The following SRGAP3 variants were observed in gnomAD, a reference collection of about 807,000 sequenced individuals.
SRGAP3 encodes SLIT-ROBO Rho GTPase activating protein 3.
Under a neutral mutation model 121.1 loss-of-function variants are expected in SRGAP3, and 39 were observed. The observed-to-expected ratio is 0.32, with a 90% confidence interval of 0.25 to 0.42. SRGAP3 has a LOEUF of 0.42. Ranked by LOEUF, SRGAP3 falls within the 10% of genes least tolerant of loss-of-function variation. The pLI, the probability that SRGAP3 is intolerant of heterozygous loss-of-function variation, is 1.00. For synonymous variants in SRGAP3, 601 were observed against 570.0 expected (o/e 1.05, Z -0.77); for missense variants, 1,213 against 1,470.6 (o/e 0.82, Z 2.86).
At chr3:9,120,842 G>A (rs1948979474) in intron 2 of SRGAP3, among the ~76,000 whole-genome samples, 1 of 152,194 alleles carries the variant, frequency 6.6e-6, no homozygotes, top group Admixed American at 6.5e-5. Context: ...CATCACGTGG[G>A]CCTTTCTTTG....
chr3:9,010,617 A>C (rs952304309), intron 17 of SRGAP3, among the ~76,000 whole-genome samples: 2 of 152,088 alleles, frequency 1.3e-5, no homozygotes, highest in Non-Finnish European at 2.9e-5. Context: ...GTGCCCTCCT[A>C]GCCCTGGAAT....
At chr3:9,347,274 A>G (rs1955907920) in intron 1 of SRGAP3, among the ~76,000 whole-genome samples, 1 of 152,126 alleles carries the variant, frequency 6.6e-6, no homozygotes, top group East Asian at 1.9e-4. Flanking sequence ...TAGGCGAGAG[A>G]TTCAGCCTCC....
Position 9,261,616 on chromosome 3 carries a change from C to T in SRGAP3, n.442+64394G>A, listed in dbSNP as rs566572222. Among the ~76,000 whole-genome samples, 9 of 151,312 alleles carry T rather than the reference C, an allele frequency of 5.9e-5. No homozygotes were observed. In the East Asian group the frequency reaches 1.6e-3, roughly 26 times the overall value. ...AAGGATATCAGACATTGAAGATGAACTTAATGAAATAAGCATGAAGACAAG... is the reference window on the plus strand; with the variant it reads ...AAGGATATCAGACATTGAAGATGAATTTAATGAAATAAGCATGAAGACAAG... On this transcript the variant is annotated intron_variant and non_coding_transcript_variant, in intron 3 of 3. Transcript: ENST00000490889.
At chr3:9,044,041 G>A (rs1274162234) in intron 10 of SRGAP3, among the ~76,000 whole-genome samples, 4 of 152,060 alleles carry the variant, frequency 2.6e-5, no homozygotes, top group South Asian at 2.1e-4. Context: ...CCCGAGAAGC[G>A]CCAGTGACAT....
At chr3:9,060,028 C>T in intron 6 of SRGAP3, 2 of 777,318 alleles carry the variant, frequency 2.6e-6, no homozygotes, top group Non-Finnish European at 2.1e-6. Context: ...GGCCCATGTC[C>T]CACTCGTGAA....
At chr3:9,252,683 A>G (rs1482972776), upstream of SRGAP3, among the ~76,000 whole-genome samples, 1 of 152,150 alleles carries the variant, frequency 6.6e-6, no homozygotes, top group African/African-American at 2.4e-5. Context: ...CCCCAGCACC[A>G]GGTCCTCACC....
chr3:9,026,741 T>G (rs1424092371), intron 13 of SRGAP3, among the ~76,000 whole-genome samples, 194 bp downstream of exon 13: 3 of 152,218 alleles, frequency 2.0e-5, no homozygotes, highest in African/African-American at 7.2e-5. Flanking sequence ...CCTCTCACCA[T>G]GATCTCCATC....
chr3:8,997,599 C>A (rs866759968), intron 18 of SRGAP3, among the ~76,000 whole-genome samples: 12 of 152,188 alleles, frequency 7.9e-5, no homozygotes, highest in African/African-American at 1.7e-4. Flanking sequence ...CTCTCTCTCT[C>A]CTTCACTAGC....
intron 1 of SRGAP3, among the ~76,000 whole-genome samples, chr3:9,242,700 T>C (rs1220009077): frequency 2.6e-5 from 4 of 152,218 alleles, no homozygotes; most frequent in African/African-American, 9.6e-5. Flanking sequence ...ACTTTTTCTT[T>C]TTTTGAGACA....
At chr3:9,342,456 C>CA (rs1305251708) in intron 1 of SRGAP3, among the ~76,000 whole-genome samples, 1 of 152,180 alleles carries the variant, frequency 6.6e-6, no homozygotes, top group African/African-American at 2.4e-5. Flanking sequence ...TACATGGCTG[C>CA]AAATAGCCTG....
At chr3:9,004,956 G>C (rs1274859138) in intron 18 of SRGAP3, among the ~76,000 whole-genome samples, 1 of 152,026 alleles carries the variant, frequency 6.6e-6, no homozygotes, top group East Asian at 1.9e-4. Context: ...TGCTTCAAAG[G>C]GTATCACCAA....
At chr3:9,194,140 G>T in intron 1 of SRGAP3, 1 of 152,328 alleles carries the variant, frequency 6.6e-6, no homozygotes. Flanking sequence ...AGGTGGAAGG[G>T]GAGATGAAAC....
At chr3:9,222,346 T>C (rs951513248) in intron 1 of SRGAP3, among the ~76,000 whole-genome samples, 1 of 152,206 alleles carries the variant, frequency 6.6e-6, no homozygotes, top group Non-Finnish European at 1.5e-5. Context: ...TACCGATTCG[T>C]AGAACAAACC....
intron 3 of SRGAP3, among the ~76,000 whole-genome samples, chr3:9,267,233 A>G (rs576076478): frequency 6.6e-6 from 1 of 152,280 alleles, no homozygotes; most frequent in African/African-American, 2.4e-5. Flanking sequence ...GATGACTGAG[A>G]AAGATATAGC....
chr3:9,005,541 C>T (rs754379175), intron 18 of SRGAP3, among the ~76,000 whole-genome samples: 1 of 152,118 alleles, frequency 6.6e-6, no homozygotes, highest in Non-Finnish European at 1.5e-5. Flanking sequence ...CATCAATTGA[C>T]AAATGGATAA....
chr3:9,045,673 T>C (rs1472357849), intron 10 of SRGAP3, among the ~76,000 whole-genome samples: 3 of 152,126 alleles, frequency 2.0e-5, no homozygotes, highest in South Asian at 4.2e-4. Flanking sequence ...GGCCTCTTTA[T>C]TCATCAAAGC....
chr3:8,997,879 T>TG (rs1326880651), intron 18 of SRGAP3, among the ~76,000 whole-genome samples: 1 of 24,012 alleles, frequency 4.2e-5, no homozygotes, highest in African/African-American at 8.2e-4. Flanking sequence ...TTCATAGAGG[T>TG]TTTTTTTTTT....
chr3:9,106,782 C>T (rs1437581204), intron 2 of SRGAP3, among the ~76,000 whole-genome samples: 3 of 152,060 alleles, frequency 2.0e-5, no homozygotes, highest in Admixed American at 6.5e-5. Context: ...ACTTCTTTTT[C>T]TTCCCACTCT....
intron 18 of SRGAP3, among the ~76,000 whole-genome samples, chr3:8,995,085 G>A (rs970400496): frequency 1.3e-5 from 2 of 152,120 alleles, no homozygotes; most frequent in African/African-American, 4.8e-5. Context: ...CAACGTGACT[G>A]TATTTTAGAG....
Sources: gnomAD v4.1 joint callset for allele counts (sites outside exome capture counted in the v4.1 genomes callset) on GRCh38, gnomAD v4.1.1 for gene constraint, MANE v1.5 for transcripts, NCBI Gene and HGNC (gene_info 2026-07-23, HGNC 2026-07-21) for gene names.